Variants in STK32C observed in about 807,000 individuals in gnomAD.
STK32C encodes serine/threonine kinase 32C.
Under a neutral mutation model 56.5 loss-of-function variants are expected in STK32C, and 31 were observed. That is an observed-to-expected ratio of 0.55 (90% CI 0.41 to 0.74). The LOEUF (loss-of-function observed/expected upper bound fraction) is 0.74, where lower values mean the gene tolerates loss of function less well. STK32C is among the 30% of genes least tolerant of loss of function. The pLI, the probability that STK32C is intolerant of heterozygous loss-of-function variation, is 0.00. For missense variants in STK32C, 544 were observed against 676.9 expected (o/e 0.80, Z 2.18); for synonymous variants, 309 against 289.4 (o/e 1.07, Z -0.69).
rs1427228133 is a variant in STK32C, at chr10:132,209,109, T to C, written c.1252-8A>G. ...TTGAAGATAGTCATTCTCCTGTGGATGGAAAGGCACACGTGAGCGTGGGGG... is the reference window on the plus strand; with the variant it reads ...TTGAAGATAGTCATTCTCCTGTGGACGGAAAGGCACACGTGAGCGTGGGGG... On this transcript the variant is annotated splice_region_variant and splice_polypyrimidine_tract_variant and intron_variant, in intron 10 of 11. Coordinates refer to ENST00000298630, the MANE Select transcript of STK32C (RefSeq NM_173575.4). 1 of 1,613,436 alleles carries C rather than the reference T, an allele frequency of 6.2e-7. No homozygotes were observed. Among genetic ancestry groups the C allele is most frequent in the Admixed American group, 1.7e-5 (1 of 60,000 alleles).
chr10:132,249,077 G>T (rs377582871), intron 1 of STK32C: 43 of 478,234 alleles, frequency 9.0e-5, no homozygotes, highest in Non-Finnish European at 1.5e-4. Context: ...TCCGGCAGAG[G>T]CTCCCAGCTG....
upstream of STK32C, among the ~76,000 whole-genome samples, chr10:132,309,369 GCCTAGGACATGCACCCA>G (rs1248111862): frequency 6.6e-6 from 1 of 151,376 alleles, no homozygotes; most frequent in African/African-American, 2.4e-5. Flanking sequence ...ACATGCACCC[GCCTAGGACATGCACCCA>G]CCTGGACATG....
chr10:132,240,685 C>T (rs532429069), intron 2 of STK32C, among the ~76,000 whole-genome samples: 43 of 152,238 alleles, frequency 2.8e-4, no homozygotes, highest in Admixed American at 1.6e-3. Context: ...GGACGCCGTG[C>T]GCCTGTGCTT....
At chr10:132,270,428 G>A (rs1019027867) in intron 1 of STK32C, among the ~76,000 whole-genome samples, 6 of 152,224 alleles carry the variant, frequency 3.9e-5, no homozygotes, top group Admixed American at 1.3e-4. Flanking sequence ...GGCTGCAGGG[G>A]AGTGACCTCT....
At chr10:132,326,965 G>C (rs1391070506) in intron 1 of STK32C, among the ~76,000 whole-genome samples, 3 of 152,070 alleles carry the variant, frequency 2.0e-5, no homozygotes, top group African/African-American at 7.2e-5. Context: ...TCACAATAAG[G>C]GATTACATAA....
intron 1 of STK32C, among the ~76,000 whole-genome samples, chr10:132,290,094 G>A (rs1027904480): frequency 1.3e-5 from 2 of 152,178 alleles, no homozygotes; most frequent in African/African-American, 4.8e-5. Flanking sequence ...GTGTCTCCAA[G>A]ATACCAGCCG....
At chr10:132,214,370 G>A (rs2062404305) in intron 10 of STK32C, among the ~76,000 whole-genome samples, 1 of 152,298 alleles carries the variant, frequency 6.6e-6, no homozygotes, top group African/African-American at 2.4e-5. Flanking sequence ...AATATTTAAA[G>A]TGTTGAAAGT....
At chr10:132,303,296 C>A (rs771001091) in intron 1 of STK32C, among the ~76,000 whole-genome samples, 2 of 152,188 alleles carry the variant, frequency 1.3e-5, no homozygotes, top group South Asian at 2.1e-4. Flanking sequence ...CAATTTCCAA[C>A]GCAAAAAGTG....
At chr10:132,213,590 G>A (rs562127334) in intron 10 of STK32C, among the ~76,000 whole-genome samples, 9 of 152,270 alleles carry the variant, frequency 5.9e-5, no homozygotes, top group South Asian at 2.1e-4. Context: ...GATACATCAC[G>A]TCCAGCTTTC....
chr10:132,311,025 T>A (rs1290474082), upstream of STK32C, among the ~76,000 whole-genome samples: 1 of 152,020 alleles, frequency 6.6e-6, no homozygotes, highest in Non-Finnish European at 1.5e-5. The surrounding 1 kb of genome is among the most constrained non-coding windows in gnomAD (Gnocchi z 4.4). Context: ...TGGGGGTGGT[T>A]TGGGGGACAA....
chr10:132,305,069 T>C (rs1371389017), intron 1 of STK32C, among the ~76,000 whole-genome samples: 1 of 152,178 alleles, frequency 6.6e-6, no homozygotes, highest in East Asian at 1.9e-4. Flanking sequence ...CCCAACGCCA[T>C]GCAGCTCTGG....
chr10:132,293,898 G>A (rs143965875), intron 1 of STK32C, among the ~76,000 whole-genome samples: 131 of 152,340 alleles, frequency 8.6e-4, no homozygotes, highest in African/African-American at 2.7e-3. Flanking sequence ...GCCCTTCAGA[G>A]GGTAGAGCCA....
intron 1 of STK32C, among the ~76,000 whole-genome samples, chr10:132,268,892 G>GGT (rs1201334600): frequency 2.5e-5 from 3 of 118,066 alleles, no homozygotes; most frequent in Non-Finnish European, 5.1e-5. Context: ...TATGTGTGTC[G>GGT]GTGTGTGTGC....
intron 1 of STK32C, among the ~76,000 whole-genome samples, chr10:132,253,272 G>A (rs758979797): frequency 6.6e-6 from 1 of 152,230 alleles, no homozygotes; most frequent in Non-Finnish European, 1.5e-5. Context: ...TGTCTGCCTG[G>A]AAGGTCCTGC....
intron 8 of STK32C, among the ~76,000 whole-genome samples, chr10:132,223,411 T>C (rs1211846452): frequency 6.6e-6 from 1 of 152,196 alleles, no homozygotes; most frequent in Non-Finnish European, 1.5e-5. Context: ...GGGGCAGCCA[T>C]GCATGGCCTG....
chr10:132,328,221 T>C (rs566263455), intron 1 of STK32C, among the ~76,000 whole-genome samples: 1 of 152,206 alleles, frequency 6.6e-6, no homozygotes, highest in Non-Finnish European at 1.5e-5. Context: ...AGGGTGGGGC[T>C]TTGGGACATG....
chr10:132,318,192 C>T (rs1284333756), intron 1 of STK32C, among the ~76,000 whole-genome samples: 7 of 151,342 alleles, frequency 4.6e-5, no homozygotes, highest in Non-Finnish European at 8.8e-5. Context: ...CACTTTAACC[C>T]GGGAGGTGGA....
chr10:132,243,079 TC>T (rs1488663686), intron 2 of STK32C, among the ~76,000 whole-genome samples: 2 of 152,136 alleles, frequency 1.3e-5, no homozygotes, highest in Non-Finnish European at 2.9e-5. Flanking sequence ...CCAAGCCTGG[TC>T]CCAGAGAGAC....
chr10:132,216,654 T>C lies in STK32C; in HGVS notation c.1251+5987A>G, dbSNP rs761505754. On this transcript the variant is annotated intron_variant, in intron 10 of 11. Transcript: ENST00000298630. ...GGCCTAGGAGGAAAAAATGGTTTCA[T>C]GGGCGAGGTCCAGGGTCCCTCTGCT... Among the ~76,000 whole-genome samples the C allele has an allele frequency of 3.3e-4, 51 of 152,286 alleles. 1 individual carries two copies. Among genetic ancestry groups the C allele is most frequent in the Middle Eastern group, 6.8e-3 (2 of 294 alleles).
Sources: gnomAD v4.1 joint callset for allele counts (sites outside exome capture counted in the v4.1 genomes callset) on GRCh38, gnomAD v4.1.1 for gene constraint, Gnocchi (gnomAD v3.1) non-coding constraint, MANE v1.5 for transcripts, NCBI Gene and HGNC (gene_info 2026-07-23, HGNC 2026-07-21) for gene names.